NUBPL: variants seen among roughly 807,000 people sequenced by gnomAD.
NUBPL encodes the protein iron-sulfur cluster transfer protein NUBPL.
A neutral mutation model predicts 45.7 loss-of-function variants in NUBPL; 31 were observed. The ratio of observed to expected loss-of-function variants is 0.68; its 90% CI spans 0.51 to 0.92. NUBPL has a LOEUF of 0.92. Among genes scored for constraint, NUBPL ranks in the 40% least tolerant of loss-of-function variants. NUBPL has a pLI of 0.00. For synonymous variants in NUBPL, 144 were observed against 140.9 expected, an observed-to-expected ratio of 1.02 and a Z score of -0.15; for missense variants, 401 against 398.7, an observed-to-expected ratio of 1.01 and a Z score of -0.05.
chr14:31,759,630 T>C (rs1286998953), intron 6 of NUBPL, among the ~76,000 whole-genome samples: 1 of 151,940 alleles, frequency 6.6e-6, no homozygotes, highest in East Asian at 1.9e-4. Flanking sequence ...ATTTGACTTA[T>C]GATTTTTCAA....
intron 4 of NUBPL, among the ~76,000 whole-genome samples, chr14:31,662,471 G>C (rs943647067): frequency 9.9e-5 from 15 of 151,538 alleles, no homozygotes; most frequent in Non-Finnish European, 1.9e-4. Context: ...CCTTCCCTCT[G>C]CCCCCCACCC....
intron 3 of NUBPL, among the ~76,000 whole-genome samples, chr14:31,569,882 T>G (rs747934427): frequency 6.6e-6 from 1 of 152,230 alleles, no homozygotes; most frequent in Non-Finnish European, 1.5e-5. Flanking sequence ...TTTTTGATTT[T>G]TCTTTTTTCT....
intron 4 of NUBPL, among the ~76,000 whole-genome samples, chr14:31,636,606 A>G (rs910460421): frequency 1.5e-4 from 23 of 152,306 alleles, no homozygotes; most frequent in African/African-American, 5.3e-4. Flanking sequence ...TGGCCTCATA[A>G]AATGAGTTAG....
At chr14:31,768,091 G>T (rs2038945571) in intron 6 of NUBPL, among the ~76,000 whole-genome samples, 1 of 151,874 alleles carries the variant, frequency 6.6e-6, no homozygotes, top group African/African-American at 2.4e-5. Context: ...CTGTTTCATT[G>T]CCCTAAGCAG....
At chr14:31,690,317 C>T (rs180942556) in intron 6 of NUBPL, among the ~76,000 whole-genome samples, 57 of 152,286 alleles carry the variant, frequency 3.7e-4, no homozygotes, top group African/African-American at 1.3e-3. Context: ...TTAGTGATAA[C>T]CCCTTTTCTG....
At chr14:31,821,378 G>T (rs1315637983) in intron 7 of NUBPL, among the ~76,000 whole-genome samples, 1 of 152,156 alleles carries the variant, frequency 6.6e-6, no homozygotes, top group Non-Finnish European at 1.5e-5. Context: ...ATTGGCAAAA[G>T]ATCTGAATAG....
chr14:31,791,359 A>C (rs549529693), intron 7 of NUBPL, among the ~76,000 whole-genome samples: 1 of 152,350 alleles, frequency 6.6e-6, no homozygotes, highest in South Asian at 2.1e-4. Context: ...ATATCAATAA[A>C]TTTTGATTCA....
intron 3 of NUBPL, among the ~76,000 whole-genome samples, chr14:31,581,510 A>G (rs1380180644): frequency 6.6e-6 from 1 of 152,172 alleles, no homozygotes; most frequent in African/African-American, 2.4e-5. Context: ...GGCTTATTTC[A>G]CTTAGCAAAT....
At chr14:31,591,671 A>T (rs2034146355) in intron 3 of NUBPL, among the ~76,000 whole-genome samples, 2 of 152,170 alleles carry the variant, frequency 1.3e-5, no homozygotes, top group South Asian at 4.1e-4. Flanking sequence ...ATATTATTGT[A>T]TAATTATTAT....
intron 6 of NUBPL, among the ~76,000 whole-genome samples, chr14:31,700,056 C>A (rs1190772047): frequency 2.0e-5 from 3 of 152,090 alleles, no homozygotes; most frequent in Non-Finnish European, 4.4e-5. Flanking sequence ...ATATACTGTG[C>A]AGTTATTATT....
At chr14:31,818,013 G>A (rs1040314457) in intron 7 of NUBPL, among the ~76,000 whole-genome samples, 2 of 152,162 alleles carry the variant, frequency 1.3e-5, no homozygotes, top group Non-Finnish European at 2.9e-5. Context: ...AGCATGGGTT[G>A]CAATCCTAGT....
chr14:31,685,149 C>G (rs1298845341), intron 6 of NUBPL, among the ~76,000 whole-genome samples: 1 of 152,072 alleles, frequency 6.6e-6, no homozygotes. Flanking sequence ...GGCATGTGAC[C>G]CAGGCATTAT....
At chr14:31,593,103 TAAC>T (rs979603433) in intron 3 of NUBPL, among the ~76,000 whole-genome samples, 3 of 152,154 alleles carry the variant, frequency 2.0e-5, no homozygotes, top group Admixed American at 6.5e-5. Context: ...TACAGTATAA[TAAC>T]AATTTACATA....
At chr14:31,630,774 T>C (rs2035320687) in intron 4 of NUBPL, among the ~76,000 whole-genome samples, 2 of 152,122 alleles carry the variant, frequency 1.3e-5, no homozygotes, top group Non-Finnish European at 2.9e-5. Context: ...CCATGTATTG[T>C]GAGATCTTTC....
intron 4 of NUBPL, among the ~76,000 whole-genome samples, chr14:31,656,935 G>A (rs542245684): frequency 6.6e-6 from 1 of 152,184 alleles, no homozygotes. Context: ...CCTGTAGAAG[G>A]CACTCAATAA....
At chr14:31,773,033 T>C (rs1303494901) in intron 6 of NUBPL, among the ~76,000 whole-genome samples, 1 of 152,190 alleles carries the variant, frequency 6.6e-6, no homozygotes, top group Non-Finnish European at 1.5e-5. Context: ...ACCTGAACAA[T>C]CTCAAGGATG....
intron 6 of NUBPL, among the ~76,000 whole-genome samples, chr14:31,779,338 CAA>C (rs796240464): frequency 7.4e-6 from 1 of 135,462 alleles, no homozygotes; most frequent in African/African-American, 2.7e-5. Context: ...AACTCCATCT[CAA>C]AAAAAAAAAG....
chr14:31,805,003 A>G (rs1442613512), intron 7 of NUBPL, among the ~76,000 whole-genome samples: 2 of 152,224 alleles, frequency 1.3e-5, no homozygotes, highest in East Asian at 3.8e-4. Flanking sequence ...CAGACAGCCT[A>G]CAGAATGGGA....
intron 6 of NUBPL, among the ~76,000 whole-genome samples, chr14:31,729,679 AC>A: frequency 6.6e-6 from 1 of 152,012 alleles, no homozygotes; most frequent in African/African-American, 2.4e-5. Flanking sequence ...CCATCTTAAC[AC>A]TGTTATTTAT....
Sources: allele counts gnomAD v4.1 joint callset (sites outside exome capture counted in the v4.1 genomes callset), GRCh38; gene constraint gnomAD v4.1.1; transcripts MANE v1.5; gene names NCBI Gene and HGNC (gene_info 2026-07-23, HGNC 2026-07-21).